CCDC148: variants seen among roughly 807,000 people sequenced by gnomAD.
The protein encoded by CCDC148 is coiled-coil domain-containing protein 148.
A neutral mutation model predicts 85.7 loss-of-function variants in CCDC148; 89 were observed. The ratio of observed to expected loss-of-function variants is 1.04; its 90% CI spans 0.87 to 1.24. The LOEUF (loss-of-function observed/expected upper bound fraction) is 1.24. CCDC148 is among the 50% of genes most tolerant of loss of function. The pLI, the probability that CCDC148 is intolerant of heterozygous loss-of-function variation, is 0.00. For synonymous variants in CCDC148, 230 were observed against 213.9 expected, an observed-to-expected ratio of 1.08 and a Z score of -0.66; for missense variants, 692 against 671.7, an observed-to-expected ratio of 1.03 and a Z score of -0.33.
At chr2:158,266,827 T>C (rs1915815) in intron 9 of CCDC148, among the ~76,000 whole-genome samples, 6,702 of 151,872 alleles carry the variant, frequency 0.044, 232 homozygotes, top group East Asian at 0.14. Flanking sequence ...TCAGTACTAG[T>C]ATTCCAGTAC....
At chr2:158,264,588 C>A (rs1396057579) in intron 9 of CCDC148, among the ~76,000 whole-genome samples, 1 of 151,876 alleles carries the variant, frequency 6.6e-6, no homozygotes, top group Non-Finnish European at 1.5e-5. Context: ...ATCTTCAAGA[C>A]AGAAAAAGAA....
At chr2:158,178,080 G>A (rs1294855820) in intron 12 of CCDC148, 4 of 151,996 alleles carry the variant, frequency 2.6e-5, no homozygotes, top group East Asian at 1.9e-4. Context: ...TAAAGCTTAC[G>A]GAGGTTAAGT....
At chr2:158,328,415 G>C (rs1049621898) in intron 7 of CCDC148, among the ~76,000 whole-genome samples, 1 of 152,140 alleles carries the variant, frequency 6.6e-6, no homozygotes, top group African/African-American at 2.4e-5. Flanking sequence ...GTCTATCATT[G>C]TTGGACATCT....
chr2:158,338,910 GA>G lies in CCDC148; in HGVS notation c.583-4del, dbSNP rs779853044. 29 of 1,597,738 alleles carry G rather than the reference GA, an allele frequency of 1.8e-5. No individual in the cohort carries two copies. Among genetic ancestry groups the G allele is most frequent in the Non-Finnish European group, 2.4e-5 (28 of 1,174,972 alleles). ...TCTTCCAAAGAATGATCTAGAATCT[GA>G]AAAAAAGTATATGATTATTTTATTT... On this transcript the variant is annotated splice_region_variant and splice_polypyrimidine_tract_variant and intron_variant, in intron 6 of 13. Transcript: ENST00000283233.
chr2:158,277,237 G>C (rs371781833), intron 9 of CCDC148, among the ~76,000 whole-genome samples: 2 of 152,302 alleles, frequency 1.3e-5, no homozygotes, highest in African/African-American at 4.8e-5. Flanking sequence ...TTTGCATAAA[G>C]TTGGGCAGTA....
chr2:158,196,361 T>C (rs1411328894), intron 11 of CCDC148, among the ~76,000 whole-genome samples: 1 of 152,140 alleles, frequency 6.6e-6, no homozygotes, highest in East Asian at 1.9e-4. Context: ...AGTTGGTAAT[T>C]TGAAATAGGC....
At chr2:158,427,682 C>T (rs763361590) in intron 1 of CCDC148, among the ~76,000 whole-genome samples, 8 of 151,892 alleles carry the variant, frequency 5.3e-5, no homozygotes, top group Non-Finnish European at 8.8e-5. Context: ...CCAGCCTGGG[C>T]AACATGGCGA....
chr2:158,431,381 A>G (rs1030877935), intron 1 of CCDC148, among the ~76,000 whole-genome samples: 1 of 152,002 alleles, frequency 6.6e-6, no homozygotes. Context: ...AAAAACACAG[A>G]GAAGAATGAT....
intron 1 of CCDC148, among the ~76,000 whole-genome samples, chr2:158,382,935 C>T (rs1255209286): frequency 6.6e-6 from 1 of 151,498 alleles, no homozygotes; most frequent in African/African-American, 2.4e-5. Context: ...AAAAAAACCA[C>T]AATAACAACA....
chr2:158,214,453 GA>G (rs2105295342), intron 11 of CCDC148, among the ~76,000 whole-genome samples: 1 of 152,028 alleles, frequency 6.6e-6, no homozygotes, highest in African/African-American at 2.4e-5. Context: ...AAATAAACAG[GA>G]AAATAAAAAC....
At chr2:158,272,868 G>A (rs145453005) in intron 9 of CCDC148, among the ~76,000 whole-genome samples, 1 of 152,244 alleles carries the variant, frequency 6.6e-6, no homozygotes, top group Non-Finnish European at 1.5e-5. Context: ...TGATAAGCAG[G>A]TGAGGTGATG....
chr2:158,194,028 A>T (rs1368552680), intron 11 of CCDC148, among the ~76,000 whole-genome samples: 8 of 151,592 alleles, frequency 5.3e-5, no homozygotes, highest in Non-Finnish European at 8.8e-5. Flanking sequence ...AAAAAAAAAA[A>T]TTTAAAAAAA....
At chr2:158,217,368 G>GTT (rs1558990175) in intron 11 of CCDC148, among the ~76,000 whole-genome samples, 2 of 76,106 alleles carry the variant, frequency 2.6e-5, no homozygotes, top group African/African-American at 8.5e-5. Flanking sequence ...AATTTTGTGT[G>GTT]TGTGTGTATA....
chr2:158,210,787 C>CAAAAAAAAAAAA (rs34273946), intron 11 of CCDC148, among the ~76,000 whole-genome samples: 2 of 89,434 alleles, frequency 2.2e-5, no homozygotes, highest in African/African-American at 4.9e-5. Context: ...ACTAAAAATA[C>CAAAAAAAAAAAA]AAAAAAAAAA....
chr2:158,180,805 C>A (rs1035741301), intron 11 of CCDC148, among the ~76,000 whole-genome samples: 1 of 152,064 alleles, frequency 6.6e-6, no homozygotes, highest in African/African-American at 2.4e-5. Context: ...GAGGGAAGCA[C>A]ACAGTGGATC....
At chr2:158,249,522 T>C (rs1392645793) in intron 10 of CCDC148, among the ~76,000 whole-genome samples, 1 of 152,158 alleles carries the variant, frequency 6.6e-6, no homozygotes, top group African/African-American at 2.4e-5. Context: ...AGAAATCAAA[T>C]TCCTTTTTGA....
chr2:158,174,888 CCAA>C (rs1449256326), intron 13 of CCDC148, among the ~76,000 whole-genome samples: 1 of 151,970 alleles, frequency 6.6e-6, no homozygotes, highest in Non-Finnish European at 1.5e-5. Context: ...CTGTCTTTGA[CCAA>C]AACACTGTTA....
At chr2:158,369,928 T>C (rs537838415) in intron 1 of CCDC148, among the ~76,000 whole-genome samples, 1 of 152,252 alleles carries the variant, frequency 6.6e-6, no homozygotes, top group Admixed American at 6.5e-5. Context: ...ATTGAGAAAA[T>C]CATCTGGTTT....
chr2:158,398,778 G>C (rs1377325875), intron 1 of CCDC148, among the ~76,000 whole-genome samples: 1 of 152,094 alleles, frequency 6.6e-6, no homozygotes, highest in Non-Finnish European at 1.5e-5. Context: ...TAAGATCAGA[G>C]CAGAAGTGAA....
Sources: allele counts gnomAD v4.1 joint callset (sites outside exome capture counted in the v4.1 genomes callset), GRCh38; gene constraint gnomAD v4.1.1; transcripts MANE v1.5; gene names NCBI Gene and HGNC (gene_info 2026-07-23, HGNC 2026-07-21).